FIBCD1: variants seen among roughly 807,000 people sequenced by gnomAD.
FIBCD1 encodes the protein fibrinogen C domain-containing protein 1.
FIBCD1 carries 47 observed loss-of-function variants against 45.1 expected under a neutral mutation model. The ratio of observed to expected loss-of-function variants is 1.04; its 90% CI spans 0.82 to 1.33. FIBCD1 has a LOEUF of 1.33. Ranked by LOEUF, FIBCD1 falls within the 40% of genes most tolerant of loss-of-function variation. FIBCD1 has a pLI of 0.00. For synonymous variants in FIBCD1, 313 were observed against 308.1 expected (o/e 1.02, Z -0.17); for missense variants, 653 against 682.2 (o/e 0.96, Z 0.48).
intron 4 of FIBCD1, among the ~76,000 whole-genome samples, 155 bp from the exon 5 acceptor site, chr9:130,912,043 C>T (rs925141690): frequency 6.6e-6 from 1 of 151,858 alleles, no homozygotes; most frequent in Non-Finnish European, 1.5e-5. Flanking sequence ...CGCAACGGCC[C>T]CTGGCCAGGG....
At position 130,923,869 on chromosome 9, in the gene FIBCD1, G is replaced by A. The variant is rs371088741; in HGVS notation, c.724C>T (p.Arg242Ter). Residue 242 changes from arginine (R) to a stop codon, truncating the protein, a stop_gained, in exon 4 of 7, where the codon CGA becomes TGA. Transcript: ENST00000372338. LOFTEE classifies it high-confidence loss of function. ...CTTAGGAGGACGTCCAGACAGTCTC[G>A]GGGCCGGGAGCCTGAGGGAGGCAAG... Reference protein sequence around the residue: ...PRGCATGSRPRDCLDVLLSGQ... With the variant: ...PRGCATGSRP 9.2e-5 allele frequency: 148 copies of A among 1,612,480 alleles called. No individual in the cohort carries two copies. The highest frequency in any genetic ancestry group is 1.2e-4 in the African/African-American group (9 of 75,030).
rs1174949574 is a variant in FIBCD1, at chr9:130,923,890, G to C, written c.713-10C>G. On this transcript the variant is annotated splice_polypyrimidine_tract_variant and intron_variant, in intron 3 of 6. Coordinates refer to ENST00000372338, the MANE Select transcript of FIBCD1 (RefSeq NM_032843.5). Reference sequence around the variant, plus strand: ...TCTCGGGGCCGGGAGCCTGAGGGAGGCAAGGCTGTCAGGGTGGCTGCGGCC... The same window carrying C: ...TCTCGGGGCCGGGAGCCTGAGGGAGCCAAGGCTGTCAGGGTGGCTGCGGCC... The C allele has an allele frequency of 1.1e-5, 17 of 1,612,004 alleles. No homozygotes were observed. Among genetic ancestry groups the C allele is most frequent in the Non-Finnish European group, 1.4e-5 (16 of 1,179,962 alleles).
At position 130,938,557 on chromosome 9, in the gene FIBCD1, GTCC is replaced by G; in HGVS notation, c.48_50del (p.Glu16del). On this transcript the variant is annotated inframe_deletion, in exon 1 of 7. Transcript: ENST00000372338. ...GTACCTGCGGCTTGTCGCGCGGCCG[GTCC>G]TCAAGTTGGGCAGCGCCGCCCATGG... 6.7e-7 allele frequency: 1 copy of G among 1,490,676 alleles called. No homozygotes were observed. Among genetic ancestry groups the G allele is most frequent in the Non-Finnish European group, 8.9e-7 (1 of 1,125,752 alleles). 92.3% of individuals were successfully genotyped at this position (1,490,676 alleles called of 1,614,324 possible).
intron 1 of FIBCD1, among the ~76,000 whole-genome samples, chr9:130,935,802 A>T (rs1312642790): frequency 6.6e-6 from 1 of 152,100 alleles, no homozygotes; most frequent in Admixed American, 6.5e-5. Flanking sequence ...CATCTGTCAA[A>T]TGGGTTCATC....
chr9:130,930,545 G>A (rs1832434437), intron 1 of FIBCD1, among the ~76,000 whole-genome samples: 1 of 152,026 alleles, frequency 6.6e-6, no homozygotes, highest in Non-Finnish European at 1.5e-5. Flanking sequence ...CAAGCAGAAT[G>A]CCAAGCCTTC....
intron 4 of FIBCD1, among the ~76,000 whole-genome samples, chr9:130,915,095 T>C (rs1321099538): frequency 1.3e-5 from 2 of 152,230 alleles, no homozygotes; most frequent in South Asian, 2.1e-4. Context: ...CCTGACACCA[T>C]GTCCACACTC....
chr9:130,913,319 CTG>C (rs1401176689), intron 4 of FIBCD1, among the ~76,000 whole-genome samples: 1 of 151,240 alleles, frequency 6.6e-6, no homozygotes, highest in Non-Finnish European at 1.5e-5. Flanking sequence ...CGGCCTCCAT[CTG>C]TGTCAGAGTC....
At chr9:130,914,635 C>T (rs997251435) in intron 4 of FIBCD1, among the ~76,000 whole-genome samples, 2 of 152,238 alleles carry the variant, frequency 1.3e-5, no homozygotes, top group African/African-American at 4.8e-5. Context: ...CCTAAAGGCT[C>T]AGAGGAACCA....
intron 4 of FIBCD1, among the ~76,000 whole-genome samples, chr9:130,917,372 T>C (rs973874747): frequency 1.8e-4 from 27 of 152,348 alleles, no homozygotes; most frequent in African/African-American, 6.3e-4. Flanking sequence ...AGAGGGGCTC[T>C]GCCAAGGGAG....
intron 4 of FIBCD1, among the ~76,000 whole-genome samples, chr9:130,912,784 G>A (rs1028239242): frequency 4.0e-5 from 6 of 150,358 alleles, no homozygotes; most frequent in African/African-American, 1.5e-4. Context: ...CTGGGCTTCG[G>A]TTTCCCCAAT....
rs756386111 is a variant in FIBCD1 at position 130,904,233 on chromosome 9, C to T, written c.1217G>A (p.Arg406His). The change falls in exon 7 of 7, where the codon CGC becomes CAC. Residue 406 changes from arginine to histidine, a missense_variant. Transcript: ENST00000372338. ...GCAGTTGCGGTACCACCAGGCACCG[C>T]GGTAGAAGGCGGCACAGTTGTTCTC... ...HSENNCAAFY[R>H]GAWWYRNCHT... is the part of the protein sequence containing the mutation. The T allele has an allele frequency of 1.7e-5, 28 of 1,613,650 alleles. No homozygotes were observed. Among genetic ancestry groups the T allele is most frequent in the Non-Finnish European group, 2.2e-5 (26 of 1,180,012 alleles).
At chr9:130,931,012 G>A (rs1832441454) in intron 1 of FIBCD1, among the ~76,000 whole-genome samples, 1 of 152,056 alleles carries the variant, frequency 6.6e-6, no homozygotes, top group Non-Finnish European at 1.5e-5. Flanking sequence ...GCACATGGGG[G>A]CTCCTAGGCA....
At chr9:130,915,510 C>G (rs1832142694) in intron 4 of FIBCD1, among the ~76,000 whole-genome samples, 1 of 152,158 alleles carries the variant, frequency 6.6e-6, no homozygotes, top group Non-Finnish European at 1.5e-5. Context: ...CGAGACCAGC[C>G]TGGCCAACAC....
Position 130,938,650 on chromosome 9 carries a change from T to G in FIBCD1, c.-43A>C. Reference sequence around the variant, plus strand: ...GGGGGCGCCGGGCGAGGCGCGCCGCTGCGGAGCGCAAAGGAGACGGGGTGG... The same window carrying G: ...GGGGGCGCCGGGCGAGGCGCGCCGCGGCGGAGCGCAAAGGAGACGGGGTGG... On this transcript the variant is annotated 5_prime_UTR_variant, in exon 1 of 7. Coordinates refer to ENST00000372338, the MANE Select transcript of FIBCD1 (RefSeq NM_032843.5). 7.3e-7 allele frequency: 1 copy of G among 1,362,034 alleles called. No individual in the cohort carries two copies. The allele number at this position is 1,362,034 out of a possible 1,614,324, so 84.4% of individuals were successfully genotyped here.
In FIBCD1 at chr9:130,903,532, G is replaced by A. The variant is rs1182387457; in HGVS notation, c.*532C>T. On this transcript the variant is annotated 3_prime_UTR_variant, in exon 7 of 7. Transcript: ENST00000372338. ...CCCACAGCCAGGCTGAGGCCCTTGG[G>A]GGAGAGGTGGGTTCTCTGGGCACCA... is the stretch of plus-strand genomic sequence containing the variant. 1.0e-5 allele frequency: 2 copies of A among 194,480 alleles called. No individual in the cohort carries two copies. Among genetic ancestry groups the A allele is most frequent in the Non-Finnish European group, 2.1e-5 (2 of 94,102 alleles). The allele number at this position is 194,480 out of a possible 1,614,324, so 12.0% of individuals were successfully genotyped here. A position where few individuals can be genotyped will look rare whatever the true frequency, so the allele number is the denominator to read the frequency against.
At chr9:130,924,188 A>G (rs1274550501) in intron 3 of FIBCD1, 49 bp downstream of exon 3, 1 of 1,508,514 alleles carries the variant, frequency 6.6e-7, no homozygotes, top group Non-Finnish European at 8.8e-7. Context: ...CCCGCTCCCC[A>G]GAGCTGGGAC....
At chr9:130,911,211 C>T (rs777774617) in intron 5 of FIBCD1, among the ~76,000 whole-genome samples, 24 of 152,206 alleles carry the variant, frequency 1.6e-4, no homozygotes, top group Non-Finnish European at 1.3e-4. Flanking sequence ...CACGAACCCA[C>T]CAGAAGGAAG....
At chr9:130,924,719 A>C (rs1832329105) in intron 2 of FIBCD1, among the ~76,000 whole-genome samples, 1 of 152,204 alleles carries the variant, frequency 6.6e-6, no homozygotes, top group Non-Finnish European at 1.5e-5. Context: ...CCCAGGGAAG[A>C]GTAAACTGGA....
chr9:130,903,993 C>T lies in FIBCD1; in HGVS notation c.*71G>A. The stretch of plus-strand genomic sequence containing the variant: ...CAGGCACAGGTGGGTGGAGAACATT[C>T]ACGAAAGAGTGAGGTGGGGTCGGGG... On this transcript the variant is annotated 3_prime_UTR_variant, in exon 7 of 7. Transcript: ENST00000372338. 2.6e-6 allele frequency: 4 copies of T among 1,563,060 alleles called. No individual in the cohort carries two copies. The highest frequency in any genetic ancestry group is 3.5e-6 in the Non-Finnish European group (4 of 1,152,180).
Sources: allele counts gnomAD v4.1 joint callset (sites outside exome capture counted in the v4.1 genomes callset), GRCh38; gene constraint gnomAD v4.1.1; transcripts MANE v1.5; gene names NCBI Gene and HGNC (gene_info 2026-07-23, HGNC 2026-07-21).